ARL8B: variants seen among roughly 807,000 people sequenced by gnomAD.
The protein encoded by ARL8B is ARF like GTPase 8B.
In ARL8B, 9 loss-of-function variants were observed where a neutral mutation model predicts 30.6. The ratio of observed to expected loss-of-function variants is 0.29; its 90% CI spans 0.18 to 0.51. The LOEUF is 0.51. Ranked by LOEUF, ARL8B falls within the 20% of genes least tolerant of loss-of-function variation. ARL8B has a pLI of 0.97. For synonymous variants in ARL8B, 74 were observed against 76.0 expected, an observed-to-expected ratio of 0.97 and a Z score of 0.14; for missense variants, 130 against 227.2, an observed-to-expected ratio of 0.57 and a Z score of 2.75.
chr3:5,150,904 C>G (rs2106562420), intron 1 of ARL8B, among the ~76,000 whole-genome samples: 1 of 152,238 alleles, frequency 6.6e-6, no homozygotes, highest in East Asian at 1.9e-4. Context: ...AGAGAGAGGG[C>G]CGTTTTTTCT....
At chr3:5,124,543 G>T (rs2054213277) in intron 1 of ARL8B, among the ~76,000 whole-genome samples, 1 of 152,008 alleles carries the variant, frequency 6.6e-6, no homozygotes, top group African/African-American at 2.4e-5. Flanking sequence ...GTAGCTCACT[G>T]CAGCCTCCAA....
intron 1 of ARL8B, among the ~76,000 whole-genome samples, chr3:5,155,590 AT>A (rs1352122069): frequency 2.8e-5 from 4 of 141,486 alleles, no homozygotes; most frequent in South Asian, 2.2e-4. Flanking sequence ...ACTTTTCTTC[AT>A]TTTTTTTTTC....
At chr3:5,124,433 A>G (rs1452736549) in intron 1 of ARL8B, among the ~76,000 whole-genome samples, 4 of 151,720 alleles carry the variant, frequency 2.6e-5, no homozygotes, top group South Asian at 2.1e-4. Flanking sequence ...ATGAGGAAAC[A>G]TGAACTTCGG....
rs760308511 is a variant in ARL8B at position 5,172,711 on chromosome 3, C to G, written c.343C>G (p.Leu115Val). 2 of 1,610,566 alleles carry G rather than the reference C, an allele frequency of 1.2e-6. No homozygotes were observed. The highest frequency in any genetic ancestry group is 4.5e-5 in the East Asian group (2 of 44,702). Residue 115 changes from leucine (L) to valine (V), a missense_variant, in exon 4 of 7, where the codon CTA becomes GTA. Leu to Val is a conservative substitution (Grantham distance 32, BLOSUM62 1). Coordinates refer to ENST00000256496, the MANE Select transcript of ARL8B (RefSeq NM_018184.3). ...EASRNELHNL[L>V]DKPQLQGIPV... is the part of the protein sequence containing the mutation. The stretch of plus-strand genomic sequence containing the variant: ...TTCCCGAAATGAGCTACATAATCTT[C>G]TAGATAAACCACAGTTACAAGGAAT...
At chr3:5,173,175 A>G (rs1387950881) in intron 4 of ARL8B, among the ~76,000 whole-genome samples, 1 of 152,176 alleles carries the variant, frequency 6.6e-6, no homozygotes, top group Non-Finnish European at 1.5e-5. Flanking sequence ...TTCACGAGGA[A>G]GTAATGGTTG....
chr3:5,130,846 A>C (rs1481484078), intron 1 of ARL8B, among the ~76,000 whole-genome samples: 1 of 151,826 alleles, frequency 6.6e-6, no homozygotes, highest in African/African-American at 2.4e-5. Context: ...TTCAGTATGC[A>C]AAATGTAGCA....
At chr3:5,130,995 C>T (rs376454496) in intron 1 of ARL8B, among the ~76,000 whole-genome samples, 2 of 151,862 alleles carry the variant, frequency 1.3e-5, no homozygotes, top group Non-Finnish European at 2.9e-5. Flanking sequence ...GCTGGGAGTG[C>T]AGTGGCACGG....
chr3:5,123,544 G>C (rs764237505), intron 1 of ARL8B, among the ~76,000 whole-genome samples: 1 of 152,222 alleles, frequency 6.6e-6, no homozygotes, highest in African/African-American at 2.4e-5. Context: ...TTGTGACTCA[G>C]TTTTAGCTGG....
chr3:5,172,875 A>G (rs1014345088), intron 4 of ARL8B, 135 bp downstream of exon 4: 16 of 617,012 alleles, frequency 2.6e-5, no homozygotes, highest in South Asian at 4.2e-5. Flanking sequence ...CTTGCTTACC[A>G]TGTATCTGCC....
Position 5,173,999 on chromosome 3 carries a change from T to C in ARL8B, c.373-18T>C. 6.3e-7 allele frequency: 1 copy of C among 1,587,040 alleles called. No homozygotes were observed. The highest frequency in any genetic ancestry group is 1.1e-5 in the South Asian group (1 of 90,260). Reference sequence around the variant, plus strand: ...TTCTTGCATAAACGTGTGCTCTTAATATCTTTTCTTTTTAAAGGTGCTAGT... The same window carrying C: ...TTCTTGCATAAACGTGTGCTCTTAACATCTTTTCTTTTTAAAGGTGCTAGT... On this transcript the variant is annotated intron_variant, in intron 4 of 6. Coordinates refer to ENST00000256496, the MANE Select transcript of ARL8B (RefSeq NM_018184.3).
intron 1 of ARL8B, among the ~76,000 whole-genome samples, chr3:5,129,438 C>T (rs566498185): frequency 3.4e-4 from 52 of 152,198 alleles, no homozygotes; most frequent in African/African-American, 1.1e-3. Flanking sequence ...TGAAGTAGAA[C>T]GGTATTTTAA....
At chr3:5,173,097 G>T (rs1352151556) in intron 4 of ARL8B, among the ~76,000 whole-genome samples, 1 of 152,176 alleles carries the variant, frequency 6.6e-6, no homozygotes, top group Non-Finnish European at 1.5e-5. Flanking sequence ...AGGAAGAAAG[G>T]TGCAAGGGGA....
intron 1 of ARL8B, among the ~76,000 whole-genome samples, chr3:5,140,916 A>G (rs1282888050): frequency 6.6e-6 from 1 of 152,196 alleles, no homozygotes; most frequent in African/African-American, 2.4e-5. Context: ...CGGTCTTGCA[A>G]GATCTGGTGT....
Position 5,178,646 on chromosome 3 carries a change from T to G in ARL8B, c.512-18T>G. 6.3e-7 allele frequency: 1 copy of G among 1,593,898 alleles called. No individual in the cohort carries two copies. The highest frequency in any genetic ancestry group is 1.1e-5 in the South Asian group (1 of 87,630). On this transcript the variant is annotated intron_variant, in intron 6 of 6. Transcript: ENST00000256496. ...GTTTTTTAACTTTAATGTCTTCACTTTTCCCCTCTATCTTTAGATATCACA... is the reference window on the plus strand; with the variant it reads ...GTTTTTTAACTTTAATGTCTTCACTGTTCCCCTCTATCTTTAGATATCACA...
chr3:5,171,499 A>G (rs1013598439), intron 2 of ARL8B, among the ~76,000 whole-genome samples: 9 of 152,084 alleles, frequency 5.9e-5, no homozygotes, highest in Admixed American at 1.3e-4. Flanking sequence ...GGCACCTGCC[A>G]CCACACCTGG....
chr3:5,138,624 A>C (rs1002636315), intron 1 of ARL8B, among the ~76,000 whole-genome samples: 9 of 152,184 alleles, frequency 5.9e-5, no homozygotes, highest in African/African-American at 2.2e-4. Flanking sequence ...ATTGAAAAGC[A>C]TTCCTGTCAC....
Position 5,122,496 on chromosome 3 carries a change from T to C in ARL8B, c.31T>C (p.Trp11Arg). The change falls in exon 1 of 7, where the codon TGG becomes CGG. Residue 11 changes from tryptophan to arginine, a missense_variant. By Grantham distance (101) the Trp-to-Arg change is moderately radical. Transcript: ENST00000256496. MLALISRLLD[W>R]FRSLFWKEEM... ...GGCGCTCATCTCCCGCCTGCTGGACTGGTTCCGTTCGCTCTTCTGGAAGGA... is the reference window on the plus strand; with the variant it reads ...GGCGCTCATCTCCCGCCTGCTGGACCGGTTCCGTTCGCTCTTCTGGAAGGA... 1 of 1,613,708 alleles carries C rather than the reference T, an allele frequency of 6.2e-7. No individual in the cohort carries two copies. The highest frequency in any genetic ancestry group is 8.5e-7 in the Non-Finnish European group (1 of 1,179,758).
intron 1 of ARL8B, among the ~76,000 whole-genome samples, chr3:5,150,336 G>A (rs984707567): frequency 2.6e-5 from 4 of 151,322 alleles, no homozygotes; most frequent in Non-Finnish European, 4.4e-5. Context: ...GGTGGCACAC[G>A]CCTGTAATCC....
chr3:5,149,500 A>C (rs973480354), intron 1 of ARL8B, among the ~76,000 whole-genome samples: 6 of 152,224 alleles, frequency 3.9e-5, no homozygotes, highest in African/African-American at 1.4e-4. Flanking sequence ...CAGTTACGAC[A>C]GGCAATTTAT....
Sources: gnomAD v4.1 joint callset for allele counts (sites outside exome capture counted in the v4.1 genomes callset) on GRCh38, gnomAD v4.1.1 for gene constraint, MANE v1.5 for transcripts, NCBI Gene and HGNC (gene_info 2026-07-23, HGNC 2026-07-21) for gene names.